Variants in DACH2 observed in about 807,000 individuals in gnomAD.
DACH2 encodes dachshund homolog 2.
A neutral mutation model predicts 35.8 loss-of-function variants in DACH2; 17 were observed. The observed-to-expected ratio is 0.48, with a 90% confidence interval of 0.33 to 0.71. The LOEUF is 0.71. Among genes scored for constraint, DACH2 ranks in the 30% least tolerant of loss-of-function variants. The pLI, the probability that DACH2 is intolerant of heterozygous loss-of-function variation, is 0.02. For synonymous variants in DACH2, 195 were observed against 177.3 expected (o/e 1.10, Z -0.79); for missense variants, 469 against 472.7 (o/e 0.99, Z 0.07).
At chrX:86,819,606 G>A (rs909834667) in intron 11 of DACH2, among the ~76,000 whole-genome samples, 4 of 111,834 alleles carry the variant, frequency 3.6e-5, no homozygotes, top group African/African-American at 1.3e-4. Flanking sequence ...CTGCCATTTA[G>A]TTATTATCCT....
intron 5 of DACH2, among the ~76,000 whole-genome samples, chrX:86,711,250 G>A (rs1461322839): frequency 5.4e-5 from 6 of 110,985 alleles, no homozygotes; most frequent in African/African-American, 2.0e-4. Context: ...GGTGGCACAT[G>A]CCTGTAATGC....
chrX:86,260,546 T>C (rs2147961726), intron 1 of DACH2, among the ~76,000 whole-genome samples: 1 of 112,260 alleles, frequency 8.9e-6, no homozygotes, highest in East Asian at 2.8e-4. Context: ...ACTTAAATTC[T>C]AGTGGCTGGA....
intron 6 of DACH2, among the ~76,000 whole-genome samples, chrX:86,732,090 G>A (rs1304720773): frequency 8.9e-5 from 10 of 112,085 alleles, no homozygotes; most frequent in Non-Finnish European, 1.9e-5. Context: ...GTTATAGAAT[G>A]TTTTCATCAT....
chrX:86,493,408 G>A (rs746835059), intron 2 of DACH2, among the ~76,000 whole-genome samples: 2 of 110,997 alleles, frequency 1.8e-5, no homozygotes, highest in East Asian at 2.8e-4. Context: ...ACTATATCAC[G>A]GTGAAAGCAA....
chrX:86,359,084 C>CTTATGTGTGTGTGT lies in DACH2; in HGVS notation c.489-17740_489-17739insTTATGTGTGTGTGT, dbSNP rs200413091. On this transcript the variant is annotated intron_variant, in intron 1 of 11. Transcript: ENST00000373125. Reference sequence around the variant, plus strand: ...GAGAAATAGAACCATTATATTTTGTCGTGTGTGTGTGTGTGTGTGTGTGTG... The same window carrying CTTATGTGTGTGTGT: ...GAGAAATAGAACCATTATATTTTGTCTTATGTGTGTGTGTGTGTGTGTGTGTGTGTGTGTGTGTG... 7.9e-4 allele frequency among the ~76,000 whole-genome samples: 78 copies of CTTATGTGTGTGTGT among 98,510 alleles called. 1 individual carries two copies. Among genetic ancestry groups the CTTATGTGTGTGTGT allele is most frequent in the Middle Eastern group, 5.3e-3 (1 of 187 alleles). The allele number at this position is 98,510 out of a possible 115,157, so 85.5% of individuals were successfully genotyped here.
intron 1 of DACH2, among the ~76,000 whole-genome samples, chrX:86,344,696 G>T (rs920777508): frequency 9.0e-6 from 1 of 110,512 alleles, no homozygotes; most frequent in Non-Finnish European, 1.9e-5. Context: ...CCTAAACACC[G>T]CTTTTATTAT....
chrX:86,502,606 T>C (rs1231092333), intron 2 of DACH2, among the ~76,000 whole-genome samples: 1 of 112,241 alleles, frequency 8.9e-6, no homozygotes, highest in African/African-American at 3.2e-5. Flanking sequence ...CATTTCAGGA[T>C]ATAAAGGTGT....
intron 1 of DACH2, among the ~76,000 whole-genome samples, chrX:86,155,832 G>T (rs2030527314): frequency 9.0e-6 from 1 of 110,853 alleles, no homozygotes; most frequent in African/African-American, 3.3e-5. Context: ...ACCGTTAAAT[G>T]ATACTATTTA....
At chrX:86,595,253 G>A (rs2148353090) in intron 3 of DACH2, among the ~76,000 whole-genome samples, 1 of 110,806 alleles carries the variant, frequency 9.0e-6, no homozygotes, top group Non-Finnish European at 1.9e-5. Flanking sequence ...CTACAGTTGT[G>A]CATCATCCTG....
chrX:86,800,833 C>G (rs2042286248), intron 7 of DACH2, among the ~76,000 whole-genome samples: 1 of 110,734 alleles, frequency 9.0e-6, no homozygotes, highest in Non-Finnish European at 1.9e-5. Flanking sequence ...CTGTGCCTGG[C>G]TAATTTTTGT....
At chrX:86,672,299 G>A (rs1008775011) in intron 4 of DACH2, among the ~76,000 whole-genome samples, 1 of 112,236 alleles carries the variant, frequency 8.9e-6, no homozygotes, top group Non-Finnish European at 1.9e-5. Context: ...TTTCTGTGAA[G>A]GAATTTAAGC....
intron 3 of DACH2, among the ~76,000 whole-genome samples, chrX:86,562,216 G>C (rs979319779): frequency 6.3e-5 from 7 of 110,744 alleles, no homozygotes; most frequent in African/African-American, 9.8e-5. Flanking sequence ...GAGTTTTCAA[G>C]AAGGTGACAC....
intron 2 of DACH2, among the ~76,000 whole-genome samples, chrX:86,445,644 C>T (rs1000544662): frequency 5.7e-4 from 55 of 96,907 alleles, no homozygotes; most frequent in African/African-American, 1.9e-3. Flanking sequence ...AGCATTTTTA[C>T]AAATTTTCAT....
intron 5 of DACH2, among the ~76,000 whole-genome samples, chrX:86,705,859 T>G (rs1019272671): frequency 8.9e-6 from 1 of 111,853 alleles, no homozygotes. Context: ...CATCAACTGA[T>G]GAGTAGATAA....
chrX:86,256,573 C>T (rs1461894758), intron 1 of DACH2, among the ~76,000 whole-genome samples: 1 of 111,502 alleles, frequency 9.0e-6, no homozygotes, highest in Non-Finnish European at 1.9e-5. Context: ...CTGCATCTGA[C>T]TGAACGTAGA....
At chrX:86,814,971 G>T in intron 10 of DACH2, 137 bp downstream of exon 10, 1 of 686,990 alleles carries the variant, frequency 1.5e-6, no homozygotes, top group Non-Finnish European at 2.1e-6. Flanking sequence ...ATTTTGTCCA[G>T]GAATGATTAA....
intron 4 of DACH2, among the ~76,000 whole-genome samples, chrX:86,678,794 G>A (rs760112219): frequency 2.7e-5 from 3 of 112,105 alleles, no homozygotes; most frequent in Non-Finnish European, 5.6e-5. Flanking sequence ...ATTTATCTTT[G>A]ATATTTTCTA....
intron 3 of DACH2, among the ~76,000 whole-genome samples, chrX:86,542,523 A>G (rs185457340): frequency 1.4e-4 from 16 of 111,130 alleles, no homozygotes; most frequent in South Asian, 1.1e-3. Flanking sequence ...CAGCACAAAA[A>G]CCCTCTTTAG....
intron 1 of DACH2, among the ~76,000 whole-genome samples, chrX:86,274,769 A>G (rs1249881134): frequency 3.6e-5 from 4 of 110,692 alleles, no homozygotes; most frequent in Non-Finnish European, 7.5e-5. Context: ...AAGTGCTGAG[A>G]TTACAGGCAT....
Sources: gnomAD v4.1 joint callset for allele counts (sites outside exome capture counted in the v4.1 genomes callset) on GRCh38, gnomAD v4.1.1 for gene constraint, MANE v1.5 for transcripts, NCBI Gene and HGNC (gene_info 2026-07-23, HGNC 2026-07-21) for gene names.